ARL15: variants seen among roughly 807,000 people sequenced by gnomAD.
The protein encoded by ARL15 is ADP-ribosylation factor-like protein 15.
In ARL15, 19 loss-of-function variants were observed where a neutral mutation model predicts 25.2. The observed-to-expected ratio is 0.75, with a 90% CI of 0.53 to 1.10. The LOEUF (loss-of-function observed/expected upper bound fraction) is 1.10. ARL15 is among the 50% of genes least tolerant of loss of function. The pLI, the probability that ARL15 is intolerant of heterozygous loss-of-function variation, is 0.00. For synonymous variants in ARL15, 94 were observed against 86.8 expected (o/e 1.08, Z -0.46); for missense variants, 220 against 246.0 (o/e 0.89, Z 0.71).
chr5:54,016,152 C>T (rs888996352), intron 4 of ARL15, among the ~76,000 whole-genome samples: 2 of 152,168 alleles, frequency 1.3e-5, no homozygotes, highest in African/African-American at 4.8e-5. Flanking sequence ...AATCTGTCTT[C>T]TGTCAGTTCA....
intron 4 of ARL15, among the ~76,000 whole-genome samples, chr5:54,023,929 G>C (rs1749695976): frequency 6.6e-6 from 1 of 152,096 alleles, no homozygotes. Context: ...TGTTCTTCAA[G>C]CCCACTGAAT....
In ARL15 at chr5:54,004,450, C is replaced by T. The variant is rs916381021; in HGVS notation, c.462+108752G>A. Among the ~76,000 whole-genome samples the T allele has an allele frequency of 4.0e-5, 6 of 149,804 alleles. No individual in the cohort carries two copies. The East Asian group carries it at 9.8e-4, about 24-fold the overall frequency. ...GGAGGTTGCAGTGAGCTGAGATCACCGTACCACCGCACTCCAGCCTGGTGA... is the reference window on the plus strand; with the variant it reads ...GGAGGTTGCAGTGAGCTGAGATCACTGTACCACCGCACTCCAGCCTGGTGA... On this transcript the variant is annotated intron_variant, in intron 4 of 4. Coordinates refer to ENST00000504924, the MANE Select transcript of ARL15 (RefSeq NM_019087.3).
At chr5:54,228,971 T>C (rs1278180229) in intron 1 of ARL15, among the ~76,000 whole-genome samples, 1 of 152,180 alleles carries the variant, frequency 6.6e-6, no homozygotes, top group Non-Finnish European at 1.5e-5. Flanking sequence ...GAGAGATTTC[T>C]GGGGTTTATT....
chr5:53,929,253 T>C (rs1695867525), intron 4 of ARL15, among the ~76,000 whole-genome samples: 1 of 151,486 alleles, frequency 6.6e-6, no homozygotes, highest in Non-Finnish European at 1.5e-5. Flanking sequence ...TTAGGGTAAA[T>C]ATTATTTTTC....
intron 4 of ARL15, among the ~76,000 whole-genome samples, chr5:54,010,596 C>G (rs2111778711): frequency 6.6e-6 from 1 of 152,248 alleles, no homozygotes; most frequent in East Asian, 1.9e-4. Context: ...ACCTGCAATA[C>G]AAAGCCCAAG....
At chr5:54,175,658 C>CTT (rs1371769602) in intron 1 of ARL15, among the ~76,000 whole-genome samples, 5 of 142,182 alleles carry the variant, frequency 3.5e-5, no homozygotes, top group African/African-American at 1.0e-4. Flanking sequence ...CTTTTTCTCT[C>CTT]TTTTTTTTTT....
At chr5:54,093,676 A>G (rs899169400) in intron 4 of ARL15, among the ~76,000 whole-genome samples, 3 of 142,836 alleles carry the variant, frequency 2.1e-5, no homozygotes, top group South Asian at 2.3e-4. Context: ...TAAGTATAAT[A>G]TAAACATTTA....
intron 4 of ARL15, among the ~76,000 whole-genome samples, chr5:54,003,708 C>CTATG (rs1561184713): frequency 7.3e-6 from 1 of 136,358 alleles, no homozygotes; most frequent in Admixed American, 7.6e-5. Context: ...ATCTATCTAT[C>CTATG]TATCTATCTC....
chr5:53,937,663 A>G lies in ARL15; in HGVS notation c.463-50950T>C, dbSNP rs539719274. The stretch of plus-strand genomic sequence containing the variant: ...TAGCCTAGGAAAAACAGGCTTTACC[A>G]TACAGCCTAGGAGTGTAGCAGGCAG... On this transcript the variant is annotated intron_variant, in intron 4 of 4. Transcript: ENST00000504924. 5.9e-5 allele frequency among the ~76,000 whole-genome samples: 9 copies of G among 152,288 alleles called. No individual in the cohort carries two copies. The East Asian group carries it at 1.7e-3, about 29-fold the overall frequency.
chr5:54,280,584 G>A (rs916604256), intron 1 of ARL15, among the ~76,000 whole-genome samples: 13 of 152,278 alleles, frequency 8.5e-5, no homozygotes, highest in South Asian at 2.1e-4. Context: ...ACACAAGATA[G>A]ACTCCCTGCC....
chr5:54,083,229 A>G (rs141348095), intron 4 of ARL15, among the ~76,000 whole-genome samples: 97 of 152,340 alleles, frequency 6.4e-4, no homozygotes, highest in African/African-American at 2.2e-3. Flanking sequence ...AAAAAAGAAG[A>G]ATAAAGGAAA....
At chr5:53,952,691 A>C (rs1253752256) in intron 4 of ARL15, among the ~76,000 whole-genome samples, 1 of 152,188 alleles carries the variant, frequency 6.6e-6, no homozygotes, top group Non-Finnish European at 1.5e-5. Flanking sequence ...ATTTCTAAAC[A>C]TTTTTAAACT....
chr5:54,174,952 C>T (rs532602729), intron 1 of ARL15, among the ~76,000 whole-genome samples: 1 of 152,328 alleles, frequency 6.6e-6, no homozygotes, highest in South Asian at 2.1e-4. Context: ...GAGGAGAGAT[C>T]CCATTCCTGC....
At chr5:54,184,248 A>AG (rs1755157152) in intron 1 of ARL15, among the ~76,000 whole-genome samples, 1 of 23,144 alleles carries the variant, frequency 4.3e-5, no homozygotes, top group Non-Finnish European at 8.1e-5. Context: ...TTAAAGTATA[A>AG]TAAAAAAAAA....
In ARL15 at chr5:54,014,525, C is replaced by CTTTT. The variant is rs35687303; in HGVS notation, c.462+98673_462+98676dup. Among the ~76,000 whole-genome samples, 787 of 146,880 alleles carry CTTTT rather than the reference C, an allele frequency of 5.4e-3. 4 individuals carry two copies. Among genetic ancestry groups the CTTTT allele is most frequent in the Admixed American group, 0.011 (155 of 14,722 alleles). On this transcript the variant is annotated intron_variant, in intron 4 of 4. Transcript: ENST00000504924. ...TTTTGCCAGGACCCAAGTCCCCATTCTTTTTTTTTTTTTGAGCTAGAGTCT... is the reference window on the plus strand; with the variant it reads ...TTTTGCCAGGACCCAAGTCCCCATTCTTTTTTTTTTTTTTTTTGAGCTAGAGTCT...
intron 4 of ARL15, among the ~76,000 whole-genome samples, chr5:53,890,295 A>G (rs1449810660): frequency 6.6e-6 from 1 of 152,152 alleles, no homozygotes; most frequent in Non-Finnish European, 1.5e-5. Flanking sequence ...TAAGTCATAT[A>G]CTTAACATCT....
At chr5:54,180,474 A>G (rs1407547420) in intron 1 of ARL15, among the ~76,000 whole-genome samples, 2 of 152,224 alleles carry the variant, frequency 1.3e-5, no homozygotes, top group Non-Finnish European at 2.9e-5. Flanking sequence ...GCTGCCAGAC[A>G]CAGCCCAGCT....
intron 1 of ARL15, among the ~76,000 whole-genome samples, chr5:54,289,976 C>A (rs1758284416): frequency 6.6e-6 from 1 of 152,178 alleles, no homozygotes; most frequent in African/African-American, 2.4e-5. Context: ...TCAGCTTCTA[C>A]AGATGCCTTG....
Position 54,155,210 on chromosome 5 carries a change from CTTT to C in ARL15, c.194-574_194-572del, listed in dbSNP as rs143645775. Reference sequence around the variant, plus strand: ...CTTTACTTCAAAATATTGCCTTATTCTTTAATTTAATATGTAATGTCACTCTGC... The same window carrying C: ...CTTTACTTCAAAATATTGCCTTATTCAATTTAATATGTAATGTCACTCTGC... On this transcript the variant is annotated intron_variant, in intron 2 of 4. Transcript: ENST00000504924. Among the ~76,000 whole-genome samples the C allele has an allele frequency of 2.3e-3, 353 of 152,190 alleles. 10 individuals are homozygous for C. In the East Asian group the frequency reaches 0.052, roughly 23 times the overall value.
Sources: gnomAD v4.1 joint callset for allele counts (sites outside exome capture counted in the v4.1 genomes callset) on GRCh38, gnomAD v4.1.1 for gene constraint, MANE v1.5 for transcripts, NCBI Gene and HGNC (gene_info 2026-07-23, HGNC 2026-07-21) for gene names.